CALN1: variants seen among roughly 807,000 people sequenced by gnomAD.
The protein encoded by CALN1 is calneuron 1.
In CALN1, 17 loss-of-function variants were observed where a neutral mutation model predicts 30.6. The observed-to-expected ratio is 0.56, with a 90% CI of 0.38 to 0.83. The LOEUF (loss-of-function observed/expected upper bound fraction) is 0.83. Among genes scored for constraint, CALN1 ranks in the 40% least tolerant of loss-of-function variants. CALN1 has a pLI of 0.00. For missense variants in CALN1, 291 were observed against 354.9 expected, an observed-to-expected ratio of 0.82 and a Z score of 1.45; for synonymous variants, 156 against 131.4, an observed-to-expected ratio of 1.19 and a Z score of -1.28.
intron 4 of CALN1, among the ~76,000 whole-genome samples, chr7:72,031,522 T>C (rs1334835869): frequency 6.6e-6 from 1 of 152,122 alleles, no homozygotes. Context: ...ATCAAGGCCA[T>C]GCAGCTACCA....
At chr7:72,338,474 T>A (rs1018914018) in intron 2 of CALN1, among the ~76,000 whole-genome samples, 1,270 of 90,556 alleles carry the variant, frequency 0.014, 32 homozygotes, top group African/African-American at 0.035. Context: ...CAGCACAGTG[T>A]GTGTGTGTGT....
chr7:72,114,366 G>A (rs1807817071), intron 3 of CALN1, among the ~76,000 whole-genome samples: 1 of 149,940 alleles, frequency 6.7e-6, no homozygotes, highest in South Asian at 2.2e-4. Flanking sequence ...AGGAGGGACT[G>A]CAGGCTGTCT....
chr7:72,231,745 G>C (rs965751295), intron 3 of CALN1, among the ~76,000 whole-genome samples: 2 of 152,174 alleles, frequency 1.3e-5, no homozygotes, highest in African/African-American at 4.8e-5. Context: ...CGTGATTTCA[G>C]GCATCCACTG....
chr7:72,367,900 G>A (rs1019053462), intron 2 of CALN1, among the ~76,000 whole-genome samples: 13 of 152,094 alleles, frequency 8.5e-5, no homozygotes, highest in Admixed American at 2.0e-4. Flanking sequence ...TTGGGAGGCC[G>A]AGGCGGATGG....
chr7:72,334,223 T>C (rs763873042), intron 2 of CALN1, among the ~76,000 whole-genome samples: 23 of 152,152 alleles, frequency 1.5e-4, no homozygotes, highest in Non-Finnish European at 2.9e-4. Flanking sequence ...GTCTATCAAT[T>C]GGAATTTCTC....
At chr7:72,163,392 T>TATTAGAAAAAAAA (rs1788271392) in intron 3 of CALN1, among the ~76,000 whole-genome samples, 1 of 79,306 alleles carries the variant, frequency 1.3e-5, no homozygotes, top group Non-Finnish European at 2.2e-5. Flanking sequence ...TATTGGAGAT[T>TATTAGAAAAAAAA]AAAAAAAAAA....
chr7:72,159,600 C>T (rs1787956821), intron 3 of CALN1, among the ~76,000 whole-genome samples: 1 of 152,042 alleles, frequency 6.6e-6, no homozygotes, highest in African/African-American at 2.4e-5. Context: ...GAGTTTGAGA[C>T]CCGCCTGGCC....
chr7:72,475,949 T>C, the CALN1 span, among the ~76,000 whole-genome samples: 35 of 136,836 alleles, frequency 2.6e-4, no homozygotes, highest in African/African-American at 9.9e-4. Context: ...CTCTTTTTTT[T>C]TTTTTTTTTT....
intron 2 of CALN1, among the ~76,000 whole-genome samples, chr7:72,310,978 T>C (rs1267298298): frequency 1.4e-5 from 2 of 147,048 alleles, no homozygotes; most frequent in Non-Finnish European, 3.0e-5. Flanking sequence ...CCTTAAACAA[T>C]ATGACATTGA....
chr7:72,183,883 T>C (rs1789992548), intron 3 of CALN1, among the ~76,000 whole-genome samples: 1 of 151,900 alleles, frequency 6.6e-6, no homozygotes, highest in Admixed American at 6.6e-5. Context: ...GCAACTAAAG[T>C]CCCCTCGAAC....
At chr7:71,911,228 A>G (rs895367603) in intron 5 of CALN1, among the ~76,000 whole-genome samples, 3 of 152,162 alleles carry the variant, frequency 2.0e-5, no homozygotes, top group African/African-American at 7.2e-5. Flanking sequence ...TTTGACAAAT[A>G]ACCTGCCAAG....
intron 2 of CALN1, among the ~76,000 whole-genome samples, chr7:72,302,919 G>T (rs902892382): frequency 3.3e-5 from 2 of 61,166 alleles, no homozygotes; most frequent in Non-Finnish European, 7.1e-5. Flanking sequence ...AAAAAAAAAC[G>T]AAAAGAATCC....
intron 6 of CALN1, among the ~76,000 whole-genome samples, chr7:71,808,021 CAG>C (rs1181262609): frequency 6.6e-6 from 1 of 152,116 alleles, no homozygotes; most frequent in Admixed American, 6.5e-5. Context: ...TTGCAGTGAG[CAG>C]AGATTGCGCC....
upstream of CALN1, among the ~76,000 whole-genome samples, chr7:72,413,474 T>C (rs1807308578): frequency 6.6e-6 from 1 of 151,646 alleles, no homozygotes; most frequent in Non-Finnish European, 1.5e-5. Flanking sequence ...TGCATACTCA[T>C]ACCACACATG....
intron 5 of CALN1, among the ~76,000 whole-genome samples, chr7:71,833,950 G>A (rs922502805): frequency 2.0e-5 from 3 of 151,838 alleles, no homozygotes; most frequent in African/African-American, 4.8e-5. Flanking sequence ...TTGGCCCGGC[G>A]CAGTGGCTCA....
intron 4 of CALN1, among the ~76,000 whole-genome samples, chr7:72,073,056 T>C (rs114819339): frequency 1.6e-4 from 24 of 152,304 alleles, no homozygotes; most frequent in African/African-American, 5.8e-4. Flanking sequence ...TACCTACTTA[T>C]CAGTCAATCT....
At chr7:71,955,990 ATTT>A (rs10541876) in intron 5 of CALN1, among the ~76,000 whole-genome samples, 82 of 145,550 alleles carry the variant, frequency 5.6e-4, no homozygotes, top group Non-Finnish European at 6.0e-4. Flanking sequence ...TATGTTCTGG[ATTT>A]TTTTTTTTTT....
At chr7:72,224,137 A>G (rs1793504010) in intron 3 of CALN1, among the ~76,000 whole-genome samples, 1 of 152,142 alleles carries the variant, frequency 6.6e-6, no homozygotes, top group African/African-American at 2.4e-5. Context: ...CACACAATAT[A>G]CCCTTGTAAC....
rs568078739 is a variant in CALN1, at chr7:71,969,079, C to A, written c.501+54578G>T. On this transcript the variant is annotated intron_variant, in intron 5 of 6. Transcript: ENST00000395275. Reference sequence around the variant, plus strand: ...AAAAAAAAAATCATAGAACTGCACACCTAAAGGATGAATTTTGGAAATTAT... The same window carrying A: ...AAAAAAAAAATCATAGAACTGCACAACTAAAGGATGAATTTTGGAAATTAT... Among the ~76,000 whole-genome samples the A allele has an allele frequency of 4.4e-3, 669 of 151,632 alleles. 3 individuals are homozygous for A. Among genetic ancestry groups the A allele is most frequent in the Non-Finnish European group, 6.6e-3 (447 of 67,896 alleles).
Sources: gnomAD v4.1 joint callset for allele counts (sites outside exome capture counted in the v4.1 genomes callset) on GRCh38, gnomAD v4.1.1 for gene constraint, MANE v1.5 for transcripts, NCBI Gene and HGNC (gene_info 2026-07-23, HGNC 2026-07-21) for gene names.